RGS7: variants seen among roughly 807,000 people sequenced by gnomAD.
RGS7 encodes the protein regulator of G-protein signaling 7.
RGS7 carries 27 observed loss-of-function variants against 81.1 expected under a neutral mutation model. The ratio of observed to expected loss-of-function variants is 0.33; its 90% CI spans 0.25 to 0.46. The LOEUF is 0.46. Ranked by LOEUF, RGS7 falls within the 20% of genes least tolerant of loss-of-function variation. The pLI, the probability that RGS7 is intolerant of heterozygous loss-of-function variation, is 1.00. For synonymous variants in RGS7, 208 were observed against 207.7 expected, an observed-to-expected ratio of 1.00 and a Z score of -0.01; for missense variants, 396 against 607.4, an observed-to-expected ratio of 0.65 and a Z score of 3.66.
chr1:241,029,078 T>C (rs1456040551), intron 3 of RGS7, among the ~76,000 whole-genome samples: 1 of 151,890 alleles, frequency 6.6e-6, no homozygotes, highest in African/African-American at 2.4e-5. Context: ...GACAAAGAGA[T>C]TTCTGGAGGC....
intron 3 of RGS7, among the ~76,000 whole-genome samples, chr1:241,063,124 C>T (rs923738146): frequency 6.6e-6 from 1 of 152,284 alleles, no homozygotes; most frequent in South Asian, 2.1e-4. Flanking sequence ...AAAATAAGCT[C>T]AGGGTAGACA....
At chr1:240,918,268 A>G (rs191934987) in intron 6 of RGS7, among the ~76,000 whole-genome samples, 60 of 152,298 alleles carry the variant, frequency 3.9e-4, no homozygotes, top group African/African-American at 1.4e-3. Flanking sequence ...ATGGCCATTT[A>G]TAGAATAATT....
intron 2 of RGS7, among the ~76,000 whole-genome samples, chr1:241,106,534 C>T (rs750553110): frequency 4.0e-5 from 6 of 151,312 alleles, no homozygotes; most frequent in South Asian, 2.1e-4. Context: ...GCCAACATGG[C>T]GAAATTCTGT....
intron 16 of RGS7, 150 bp from the exon 17 acceptor site, chr1:240,801,658 G>A (rs1175267529): frequency 2.9e-6 from 2 of 693,542 alleles, no homozygotes; most frequent in Non-Finnish European, 5.1e-6. Context: ...CATAGAGGTT[G>A]GAGAGCCGCC....
chr1:241,145,904 A>G (rs2068277879), intron 2 of RGS7, among the ~76,000 whole-genome samples: 1 of 152,226 alleles, frequency 6.6e-6, no homozygotes, highest in Non-Finnish European at 1.5e-5. Context: ...ATTTCCCAAG[A>G]TGCTTTTTCC....
At chr1:241,336,388 A>G (rs1331371794) in intron 2 of RGS7, among the ~76,000 whole-genome samples, 1 of 152,192 alleles carries the variant, frequency 6.6e-6, no homozygotes, top group Admixed American at 6.5e-5. Flanking sequence ...GAAATATTCA[A>G]TCATAGGATG....
chr1:241,187,878 T>G (rs2072267040), intron 2 of RGS7, among the ~76,000 whole-genome samples: 1 of 152,098 alleles, frequency 6.6e-6, no homozygotes, highest in Non-Finnish European at 1.5e-5. Context: ...CGATATAAGC[T>G]AACAAAGATC....
chr1:240,809,811 A>C (rs1255415342), intron 14 of RGS7, among the ~76,000 whole-genome samples: 1 of 152,170 alleles, frequency 6.6e-6, no homozygotes, highest in Non-Finnish European at 1.5e-5. Context: ...ATACTTACTA[A>C]GGAAACATAT....
intron 3 of RGS7, among the ~76,000 whole-genome samples, chr1:240,995,403 A>G (rs535523024): frequency 1.3e-5 from 2 of 152,290 alleles, no homozygotes; most frequent in Admixed American, 6.5e-5. Context: ...GAGACTGTGT[A>G]TAATTGAATT....
chr1:240,914,551 C>T (rs905706194), intron 6 of RGS7, among the ~76,000 whole-genome samples: 5 of 152,136 alleles, frequency 3.3e-5, no homozygotes. Context: ...TCCCATTACT[C>T]TCAGAGGTTG....
intron 10 of RGS7, among the ~76,000 whole-genome samples, chr1:240,826,305 T>C (rs1692821794): frequency 1.3e-5 from 2 of 152,110 alleles, no homozygotes; most frequent in Non-Finnish European, 2.9e-5. Context: ...TTGAACATGA[T>C]GGTATGTTTC....
chr1:241,355,225 A>G (rs1204306213), intron 2 of RGS7, among the ~76,000 whole-genome samples: 1 of 152,260 alleles, frequency 6.6e-6, no homozygotes, highest in Non-Finnish European at 1.5e-5. Flanking sequence ...TGTTTAGTCA[A>G]GAACGAAATT....
chr1:241,307,175 G>A (rs1161982698), intron 2 of RGS7, among the ~76,000 whole-genome samples: 1 of 152,152 alleles, frequency 6.6e-6, no homozygotes, highest in Non-Finnish European at 1.5e-5. Flanking sequence ...TTTACTGAAT[G>A]AGTCATTTAC....
rs114895067 is a variant in RGS7, at chr1:241,344,535, G to C, written c.78+11164C>G. On this transcript the variant is annotated intron_variant, in intron 2 of 18. Transcript: ENST00000440928. Reference sequence around the variant, plus strand: ...GATGTGGAAATTCAGACTCACAGAGGTAAAGTAACTGGATTCACGTTAAGT... The same window carrying C: ...GATGTGGAAATTCAGACTCACAGAGCTAAAGTAACTGGATTCACGTTAAGT... Among the ~76,000 whole-genome samples the C allele has an allele frequency of 1.5e-3, 234 of 152,274 alleles. 2 individuals are homozygous for C. The highest frequency in any genetic ancestry group is 3.4e-3 in the Middle Eastern group (1 of 294).
rs144593723 is a variant in RGS7, at chr1:240,801,476, A to G, written c.1392T>C (p.Phe464=). The G allele has an allele frequency of 1.1e-5, 18 of 1,608,470 alleles. No homozygotes were observed. In the African/African-American group the frequency reaches 2.3e-4, roughly 20 times the overall value. The part of the protein sequence containing the change: ...SGNSMDRRTS[F]EKFAQNVGRN... ...TTACCACATTCTGTGCAAATTTTTC[A>G]AAAGATGTTCTGCGATCCATTGAGT... The change falls in exon 17 of 19, where the codon TTT becomes TTC. Residue 464 remains phenylalanine (F), a synonymous_variant. Coordinates refer to ENST00000440928, the MANE Select transcript of RGS7 (RefSeq NM_001364886.1).
At chr1:241,221,174 A>G (rs574519794) in intron 2 of RGS7, among the ~76,000 whole-genome samples, 61 of 146,102 alleles carry the variant, frequency 4.2e-4, no homozygotes, top group African/African-American at 1.4e-3. Context: ...AAGGAAGGGG[A>G]AAAAAGAAAG....
intron 18 of RGS7, among the ~76,000 whole-genome samples, chr1:240,795,490 C>CAAAAGAGATA (rs1213127744): frequency 1.3e-5 from 2 of 152,034 alleles, no homozygotes; most frequent in Non-Finnish European, 2.9e-5. Context: ...AATAAAGATA[C>CAAAAGAGATA]AAAAGAGATA....
chr1:241,342,360 G>A (rs114018938), intron 2 of RGS7, among the ~76,000 whole-genome samples: 134 of 152,198 alleles, frequency 8.8e-4, no homozygotes, highest in African/African-American at 3.0e-3. Flanking sequence ...CTATTTTAAC[G>A]TCCAGTGGAA....
intron 2 of RGS7, among the ~76,000 whole-genome samples, chr1:241,325,166 CA>C (rs2081420985): frequency 6.6e-6 from 1 of 152,080 alleles, no homozygotes; most frequent in Admixed American, 6.5e-5. Flanking sequence ...GGGGGAAACC[CA>C]ATTATTTAAA....
Sources: allele counts gnomAD v4.1 joint callset (sites outside exome capture counted in the v4.1 genomes callset), GRCh38; gene constraint gnomAD v4.1.1; transcripts MANE v1.5; gene names NCBI Gene and HGNC (gene_info 2026-07-23, HGNC 2026-07-21).